The following LIMCH1 variants were observed in gnomAD, a reference collection of about 807,000 sequenced individuals.
The protein encoded by LIMCH1 is LIM and calponin homology domains-containing protein 1.
LIMCH1 carries 113 observed loss-of-function variants against 176.5 expected under a neutral mutation model. That is an observed-to-expected ratio of 0.64 (90% CI 0.55 to 0.75). LIMCH1 has a LOEUF of 0.75. LIMCH1 is among the 30% of genes least tolerant of loss of function. The pLI is 0.00. For missense variants in LIMCH1, 1,674 were observed against 1,814.9 expected (o/e 0.92, Z 1.41); for synonymous variants, 619 against 645.9 (o/e 0.96, Z 0.63).
At chr4:41,662,006 C>G in intron 19 of LIMCH1, 1 of 298,146 alleles carries the variant, frequency 3.4e-6, no homozygotes, top group Non-Finnish European at 6.6e-6. Context: ...AGTCTTGTTC[C>G]TCAATATTTT....
intron 3 of LIMCH1, among the ~76,000 whole-genome samples, chr4:41,605,043 C>T (rs571593405): frequency 6.6e-6 from 1 of 152,222 alleles, no homozygotes; most frequent in South Asian, 2.1e-4. Flanking sequence ...CTACATGGGC[C>T]TCAGATACTT....
intron 1 of LIMCH1, among the ~76,000 whole-genome samples, chr4:41,365,001 A>G (rs2052755924): frequency 1.3e-5 from 2 of 152,302 alleles, no homozygotes; most frequent in South Asian, 2.1e-4. Context: ...ACCCACAACA[A>G]TATTTATCTG....
At chr4:41,683,072 T>G (rs541459441) in intron 26 of LIMCH1, among the ~76,000 whole-genome samples, 15 of 152,140 alleles carry the variant, frequency 9.9e-5, no homozygotes, top group Non-Finnish European at 2.1e-4. Flanking sequence ...AACCTAAATA[T>G]TACTCACTTG....
At chr4:41,668,578 A>G (rs1423134534) in intron 21 of LIMCH1, among the ~76,000 whole-genome samples, 2 of 152,226 alleles carry the variant, frequency 1.3e-5, no homozygotes, top group Non-Finnish European at 2.9e-5. Context: ...GAGAAACTTT[A>G]CTTCATTCTT....
At chr4:41,596,469 G>A (rs1411134447) in intron 1 of LIMCH1, among the ~76,000 whole-genome samples, 6 of 151,986 alleles carry the variant, frequency 3.9e-5, no homozygotes. Flanking sequence ...CTAGAAAAAA[G>A]GATTGAAAAC....
At chr4:41,386,936 T>C (rs2056572005) in intron 1 of LIMCH1, among the ~76,000 whole-genome samples, 1 of 152,238 alleles carries the variant, frequency 6.6e-6, no homozygotes, top group Non-Finnish European at 1.5e-5. Flanking sequence ...GTAGCTGTTA[T>C]AGCTATATGC....
chr4:41,482,944 C>G (rs1482875175), intron 1 of LIMCH1, among the ~76,000 whole-genome samples: 1 of 152,116 alleles, frequency 6.6e-6, no homozygotes, highest in Non-Finnish European at 1.5e-5. Flanking sequence ...TAAATGAGGA[C>G]AGCTTGCAGA....
chr4:41,570,042 T>A (rs1561784090), intron 1 of LIMCH1, among the ~76,000 whole-genome samples: 1 of 152,188 alleles, frequency 6.6e-6, no homozygotes, highest in African/African-American at 2.4e-5. Flanking sequence ...ATGAACCACA[T>A]GTTTGCAGAA....
intron 2 of LIMCH1, among the ~76,000 whole-genome samples, chr4:41,509,425 AT>A (rs1386445631): frequency 6.6e-6 from 1 of 152,132 alleles, no homozygotes; most frequent in Non-Finnish European, 1.5e-5. Context: ...TCCTTTTTCC[AT>A]TACTGATTTT....
intron 17 of LIMCH1, among the ~76,000 whole-genome samples, chr4:41,649,261 A>G (rs1170614109): frequency 6.6e-6 from 1 of 152,104 alleles, no homozygotes; most frequent in African/African-American, 2.4e-5. Context: ...TTAACCAGCC[A>G]TGTTGGCATA....
intron 1 of LIMCH1, among the ~76,000 whole-genome samples, chr4:41,562,127 T>A (rs892210968): frequency 6.6e-6 from 1 of 152,162 alleles, no homozygotes; most frequent in African/African-American, 2.4e-5. Flanking sequence ...GGGCCAGATA[T>A]GGGCATGAAA....
At chr4:41,466,733 C>CATT (rs1420801983) in intron 1 of LIMCH1, among the ~76,000 whole-genome samples, 4 of 152,124 alleles carry the variant, frequency 2.6e-5, no homozygotes, top group African/African-American at 9.7e-5. Flanking sequence ...TAAATTCCTT[C>CATT]ATTATTATTA....
At chr4:41,586,336 C>T (rs2086469824) in intron 1 of LIMCH1, among the ~76,000 whole-genome samples, 1 of 151,968 alleles carries the variant, frequency 6.6e-6, no homozygotes, top group Admixed American at 6.6e-5. Context: ...TCTGAAACCC[C>T]TGGGCTCAAG....
upstream of LIMCH1, among the ~76,000 whole-genome samples, chr4:41,535,716 A>T (rs560171356): frequency 8.5e-5 from 13 of 152,264 alleles, no homozygotes; most frequent in South Asian, 2.3e-3. Context: ...TTAAATTCTT[A>T]TTCACGTGTG....
chr4:41,620,126 T>C (rs748364280), intron 6 of LIMCH1: 75 of 344,750 alleles, frequency 2.2e-4, no homozygotes, highest in Non-Finnish European at 3.6e-4. Context: ...TTCCATTGAA[T>C]AAAGATGTTA....
intron 1 of LIMCH1, among the ~76,000 whole-genome samples, chr4:41,479,634 A>T (rs2068269201): frequency 2.0e-5 from 3 of 152,120 alleles, no homozygotes; most frequent in Admixed American, 2.0e-4. Flanking sequence ...TGTGCCCAAA[A>T]CATTAATTAT....
rs1309056891 is a variant in LIMCH1 at position 41,368,034 on chromosome 4, G to T, written c.96+7098G>T. ...GTGAGGAACTGAAGTTATATTTATT[G>T]CAATGAGTACATAGCTATCTTTTTC... On this transcript the variant is annotated intron_variant, in intron 1 of 26. Coordinates refer to the LIMCH1 transcript ENST00000313860. Among the ~76,000 whole-genome samples the T allele has an allele frequency of 2.0e-5, 3 of 152,050 alleles. No individual in the cohort carries two copies. The East Asian group carries it at 5.8e-4, about 29-fold the overall frequency.
At chr4:41,422,103 TAAAC>T (rs1476776925) in intron 1 of LIMCH1, among the ~76,000 whole-genome samples, 4 of 151,898 alleles carry the variant, frequency 2.6e-5, no homozygotes, top group Non-Finnish European at 4.4e-5. Flanking sequence ...AAGAAACAAA[TAAAC>T]AAACAACAGA....
At chr4:41,369,533 C>G (rs1330804927) in intron 1 of LIMCH1, among the ~76,000 whole-genome samples, 1 of 152,190 alleles carries the variant, frequency 6.6e-6, no homozygotes, top group African/African-American at 2.4e-5. Flanking sequence ...CAAATCCTTT[C>G]AAGATAGAGC....
Sources: allele counts gnomAD v4.1 joint callset (sites outside exome capture counted in the v4.1 genomes callset), GRCh38; gene constraint gnomAD v4.1.1; transcripts MANE v1.5; gene names NCBI Gene and HGNC (gene_info 2026-07-23, HGNC 2026-07-21).